The following CALN1 variants were observed in gnomAD, a reference collection of about 807,000 sequenced individuals.
The protein encoded by CALN1 is calneuron 1.
A neutral mutation model predicts 30.6 loss-of-function variants in CALN1; 17 were observed. The ratio of observed to expected loss-of-function variants is 0.56; its 90% CI spans 0.38 to 0.83. The LOEUF (loss-of-function observed/expected upper bound fraction) is 0.83. Ranked by LOEUF, CALN1 falls within the 40% of genes least tolerant of loss-of-function variation. The pLI is 0.00. For synonymous variants in CALN1, 156 were observed against 131.4 expected (o/e 1.19, Z -1.28); for missense variants, 291 against 354.9 (o/e 0.82, Z 1.45).
chr7:72,453,056 C>T, the CALN1 span, among the ~76,000 whole-genome samples: 2 of 152,234 alleles, frequency 1.3e-5, no homozygotes, highest in African/African-American at 4.8e-5. Flanking sequence ...AGCCTCACTG[C>T]ACCCCTCAGA....
chr7:72,336,894 C>G (rs948223830), intron 2 of CALN1: 158 of 984,818 alleles, frequency 1.6e-4, no homozygotes, highest in Non-Finnish European at 1.8e-4. Flanking sequence ...CCGCCGGCTC[C>G]CTCGGCGCCC....
At chr7:72,164,364 A>G (rs1563112637) in intron 3 of CALN1, among the ~76,000 whole-genome samples, 1 of 142,746 alleles carries the variant, frequency 7.0e-6, no homozygotes, top group African/African-American at 2.5e-5. Flanking sequence ...AAAAAAAAAA[A>G]AAAAGAAGAA....
chr7:72,257,502 A>G (rs1177998991), intron 3 of CALN1, among the ~76,000 whole-genome samples: 1 of 152,254 alleles, frequency 6.6e-6, no homozygotes, highest in Non-Finnish European at 1.5e-5. Context: ...AACACTTCCA[A>G]CGCTGCTGGT....
chr7:72,384,283 T>C (rs902442375), intron 2 of CALN1, among the ~76,000 whole-genome samples: 3 of 152,120 alleles, frequency 2.0e-5, no homozygotes, highest in Non-Finnish European at 4.4e-5. Flanking sequence ...GTGCATATTC[T>C]CTCCAATATC....
At chr7:72,281,812 G>T (rs181794459) in intron 2 of CALN1, among the ~76,000 whole-genome samples, 215 of 152,194 alleles carry the variant, frequency 1.4e-3, no homozygotes, top group African/African-American at 4.7e-3. Flanking sequence ...TCATAATAAG[G>T]ATGTTATACT....
chr7:72,347,405 TA>T (rs762114164), intron 2 of CALN1, among the ~76,000 whole-genome samples: 64 of 151,952 alleles, frequency 4.2e-4, no homozygotes, highest in Non-Finnish European at 6.8e-4. Context: ...TAGCTGGGAT[TA>T]CAGGCATGTG....
At chr7:72,157,015 G>A (rs568112564) in intron 3 of CALN1, among the ~76,000 whole-genome samples, 1 of 152,342 alleles carries the variant, frequency 6.6e-6, no homozygotes, top group East Asian at 1.9e-4. Context: ...AGATGCTCAT[G>A]AAATGACATA....
chr7:72,151,529 C>T (rs1391602206), intron 3 of CALN1, among the ~76,000 whole-genome samples: 2 of 152,124 alleles, frequency 1.3e-5, no homozygotes, highest in African/African-American at 2.4e-5. Flanking sequence ...AATTCAACCC[C>T]GTAATAGACC....
the CALN1 span, among the ~76,000 whole-genome samples, chr7:72,499,878 T>C: frequency 1.9e-3 from 143 of 73,438 alleles, 17 homozygotes; most frequent in African/African-American, 6.2e-3. Context: ...TCTTTCTTTC[T>C]TTCTTTCTTT....
chr7:72,224,955 G>A lies in CALN1; in HGVS notation c.244+53731C>T, dbSNP rs564734253. Among the ~76,000 whole-genome samples, 13 of 152,012 alleles carry A rather than the reference G, an allele frequency of 8.6e-5. No homozygotes were observed. In the South Asian group the frequency reaches 2.7e-3, roughly 32 times the overall value. On this transcript the variant is annotated intron_variant, in intron 3 of 6. Coordinates refer to ENST00000395275, the MANE Select transcript of CALN1 (RefSeq NM_031468.4). Reference sequence around the variant, plus strand: ...CACACACACAAAAAAAAAATTAGCTGGGTGTGGTGGCGGGCACCTGTAGTC... The same window carrying A: ...CACACACACAAAAAAAAAATTAGCTAGGTGTGGTGGCGGGCACCTGTAGTC...
chr7:72,096,303 C>T (rs948192041), intron 4 of CALN1, among the ~76,000 whole-genome samples: 1 of 152,164 alleles, frequency 6.6e-6, no homozygotes, highest in African/African-American at 2.4e-5. Context: ...TAAGGACAGA[C>T]TTTACTTCCT....
chr7:71,798,059 G>C (rs1787034048), intron 6 of CALN1, among the ~76,000 whole-genome samples: 1 of 148,802 alleles, frequency 6.7e-6, no homozygotes, highest in African/African-American at 2.5e-5. Context: ...AAGAGAGAGA[G>C]ACAGAGAGAG....
At chr7:72,068,734 G>T (rs989471729) in intron 4 of CALN1, among the ~76,000 whole-genome samples, 1 of 152,110 alleles carries the variant, frequency 6.6e-6, no homozygotes, top group Non-Finnish European at 1.5e-5. Flanking sequence ...CAAGTGATCT[G>T]CCTGCCTCGG....
chr7:72,049,845 T>C (rs1464367170), intron 4 of CALN1, among the ~76,000 whole-genome samples: 1 of 148,696 alleles, frequency 6.7e-6, no homozygotes, highest in Non-Finnish European at 1.5e-5. Context: ...AGTCTCACTC[T>C]GTCACCCAGG....
chr7:71,832,755 C>A (rs893558777), intron 5 of CALN1, among the ~76,000 whole-genome samples: 6 of 151,876 alleles, frequency 4.0e-5, no homozygotes, highest in African/African-American at 1.5e-4. Context: ...CCTGCACTAT[C>A]ACGCCAGGCT....
chr7:72,311,235 T>C (rs527724923), intron 2 of CALN1, among the ~76,000 whole-genome samples: 2 of 152,322 alleles, frequency 1.3e-5, no homozygotes, highest in South Asian at 2.1e-4. Context: ...GTTTCCTTAA[T>C]AACATTTTCT....
chr7:72,286,396 T>G (rs1401464426), intron 2 of CALN1, among the ~76,000 whole-genome samples: 1 of 152,070 alleles, frequency 6.6e-6, no homozygotes, highest in Non-Finnish European at 1.5e-5. Flanking sequence ...CACATGAAGA[T>G]GAGAAATTAG....
chr7:71,817,659 G>C (rs1299114131), intron 5 of CALN1, among the ~76,000 whole-genome samples: 1 of 152,010 alleles, frequency 6.6e-6, no homozygotes, highest in African/African-American at 2.4e-5. Flanking sequence ...GGGATTACAG[G>C]CGCCCACCAC....
At chr7:72,304,375 C>T (rs1799504936) in intron 2 of CALN1, among the ~76,000 whole-genome samples, 1 of 152,106 alleles carries the variant, frequency 6.6e-6, no homozygotes, top group Non-Finnish European at 1.5e-5. Flanking sequence ...GCCTGTAATC[C>T]CAGCACTTTG....
Sources: allele counts gnomAD v4.1 joint callset (sites outside exome capture counted in the v4.1 genomes callset), GRCh38; gene constraint gnomAD v4.1.1; transcripts MANE v1.5; gene names NCBI Gene and HGNC (gene_info 2026-07-23, HGNC 2026-07-21).